Variants in SYCE3 observed in about 807,000 individuals in gnomAD.
SYCE3 encodes the protein synaptonemal complex central element protein 3.
In SYCE3, 3 loss-of-function variants were observed where a neutral mutation model predicts 8.1. That is an observed-to-expected ratio of 0.37 (90% CI 0.17 to 0.96). The LOEUF (loss-of-function observed/expected upper bound fraction) is 0.96, where lower values mean the gene tolerates loss of function less well. Among genes scored for constraint, SYCE3 ranks in the 40% least tolerant of loss-of-function variants. SYCE3 has a pLI of 0.41. For missense variants in SYCE3, 83 were observed against 110.0 expected (o/e 0.75, Z 1.10); for synonymous variants, 36 against 38.7 (o/e 0.93, Z 0.26).
At chr22:50,552,143 G>A in intron 2 of SYCE3, among the ~76,000 whole-genome samples, 1 of 152,164 alleles carries the variant, frequency 6.6e-6, no homozygotes, top group East Asian at 1.9e-4. Context: ...CAGAACAAAG[G>A]TCATCTCCCC....
chr22:50,561,073 G>A (rs9628212), intron 1 of SYCE3, among the ~76,000 whole-genome samples: 16,006 of 152,208 alleles, frequency 0.11, 1,129 homozygotes, highest in African/African-American at 0.2. Context: ...CACAGAGACA[G>A]TGGATGGAGT....
chr22:50,558,681 A>G (rs1441535705), intron 1 of SYCE3, among the ~76,000 whole-genome samples: 6 of 152,168 alleles, frequency 3.9e-5, no homozygotes, highest in Non-Finnish European at 7.4e-5. Flanking sequence ...TGCTAAGAGT[A>G]AGTGGGGAGG....
chr22:50,562,685 G>C (rs1278598382), intron 1 of SYCE3, among the ~76,000 whole-genome samples, 173 bp downstream of exon 1: 1 of 147,752 alleles, frequency 6.8e-6, no homozygotes, highest in Non-Finnish European at 1.5e-5. Context: ...AGGGGCGTCG[G>C]GGGAGGGGCA....
intron 1 of SYCE3, 127 bp from the exon 2 acceptor site, chr22:50,556,532 G>T: frequency 4.5e-6 from 3 of 670,748 alleles, no homozygotes; most frequent in African/African-American, 1.8e-5. Flanking sequence ...ACAATACCAC[G>T]TACTCCACAG....
At chr22:50,552,421 G>A (rs982726909) in intron 2 of SYCE3, among the ~76,000 whole-genome samples, 2 of 152,152 alleles carry the variant, frequency 1.3e-5, no homozygotes, top group African/African-American at 2.4e-5. Context: ...GGGAGGCCAA[G>A]GGGGGTAGAT....
intron 2 of SYCE3, among the ~76,000 whole-genome samples, chr22:50,553,550 G>A (rs370048078): frequency 6.6e-6 from 1 of 152,182 alleles, no homozygotes; most frequent in East Asian, 1.9e-4. Flanking sequence ...CAAATGCCCT[G>A]CTGCTAAAAC....
intron 1 of SYCE3, among the ~76,000 whole-genome samples, chr22:50,557,737 A>ACGT (rs2069874750): frequency 6.6e-6 from 1 of 151,758 alleles, no homozygotes; most frequent in African/African-American, 2.4e-5. Flanking sequence ...TAGATAAATA[A>ACGT]TGTAAGAGCT....
At chr22:50,560,377 C>T (rs1382760898) in intron 1 of SYCE3, among the ~76,000 whole-genome samples, 1 of 152,002 alleles carries the variant, frequency 6.6e-6, no homozygotes, top group Non-Finnish European at 1.5e-5. Flanking sequence ...GTCCTAGTTA[C>T]TCAGGAGGGT....
intron 2 of SYCE3, among the ~76,000 whole-genome samples, chr22:50,553,771 T>C (rs2069832390): frequency 6.6e-6 from 1 of 152,082 alleles, no homozygotes; most frequent in Non-Finnish European, 1.5e-5. Context: ...TTATTAGAGA[T>C]GGAGTTTCAC....
At chr22:50,556,246 T>C in intron 2 of SYCE3, 51 bp downstream of exon 2, 1 of 1,363,242 alleles carries the variant, frequency 7.3e-7, no homozygotes, top group Non-Finnish European at 1.0e-6. Flanking sequence ...AAATAAACTT[T>C]CTAAATTGAT....
chr22:50,560,180 C>T (rs148321487), intron 1 of SYCE3, among the ~76,000 whole-genome samples: 65 of 152,256 alleles, frequency 4.3e-4, no homozygotes, highest in Admixed American at 1.4e-3. Flanking sequence ...GGAGATATTA[C>T]ACCAGTGTCA....
intron 1 of SYCE3, among the ~76,000 whole-genome samples, chr22:50,558,172 C>T (rs1420032572): frequency 6.6e-6 from 1 of 152,122 alleles, no homozygotes; most frequent in Non-Finnish European, 1.5e-5. Context: ...GCCTGTAATC[C>T]CAACACTTTG....
At chr22:50,556,968 TA>T (rs942486304) in intron 1 of SYCE3, among the ~76,000 whole-genome samples, 4 of 151,894 alleles carry the variant, frequency 2.6e-5, no homozygotes, top group African/African-American at 4.8e-5. Context: ...ATTCATACAT[TA>T]AAAAAAATTA....
At chr22:50,560,757 T>TG (rs2146599350) in intron 1 of SYCE3, among the ~76,000 whole-genome samples, 1 of 152,192 alleles carries the variant, frequency 6.6e-6, no homozygotes, top group South Asian at 2.1e-4. Context: ...AAAGGGCAAC[T>TG]GATGGTGCAG....
intron 1 of SYCE3, among the ~76,000 whole-genome samples, chr22:50,558,119 T>C (rs1200337186): frequency 6.6e-6 from 1 of 152,202 alleles, no homozygotes; most frequent in East Asian, 1.9e-4. Flanking sequence ...AAAGCTCTAA[T>C]TCTGAAAGAA....
intron 2 of SYCE3, among the ~76,000 whole-genome samples, chr22:50,552,283 G>GGA (rs2069816932): frequency 6.6e-6 from 1 of 152,194 alleles, no homozygotes; most frequent in African/African-American, 2.4e-5. Flanking sequence ...GGTGCAGCAG[G>GGA]GACCTGGGGC....
chr22:50,553,976 G>C (rs1465151491), intron 2 of SYCE3, among the ~76,000 whole-genome samples: 1 of 151,590 alleles, frequency 6.6e-6, no homozygotes, highest in Admixed American at 6.6e-5. Context: ...GGCAGATTAT[G>C]AGGTCAAGAG....
intron 2 of SYCE3, 76 bp from the exon 3 acceptor site, chr22:50,551,478 C>T: frequency 1.4e-6 from 2 of 1,452,648 alleles, no homozygotes; most frequent in Admixed American, 4.4e-5. Flanking sequence ...GGGTCAGATG[C>T]CTCCAGCTGG....
intron 1 of SYCE3, among the ~76,000 whole-genome samples, chr22:50,561,815 T>C (rs1327702546): frequency 6.6e-6 from 1 of 150,476 alleles, no homozygotes; most frequent in Non-Finnish European, 1.5e-5. Context: ...AGAGAAGTCT[T>C]GGAGTTGGGC....
Sources: allele counts gnomAD v4.1 joint callset (sites outside exome capture counted in the v4.1 genomes callset), GRCh38; gene constraint gnomAD v4.1.1; transcripts MANE v1.5; gene names NCBI Gene and HGNC (gene_info 2026-07-23, HGNC 2026-07-21).